Variants in CNTN5 observed in about 807,000 individuals in gnomAD.
CNTN5 encodes the protein contactin-5.
A neutral mutation model predicts 129.1 loss-of-function variants in CNTN5; 77 were observed. The observed-to-expected ratio is 0.60, with a 90% CI of 0.50 to 0.72. CNTN5 has a LOEUF of 0.72. Among genes scored for constraint, CNTN5 ranks in the 30% least tolerant of loss-of-function variants. CNTN5 has a pLI of 0.00. For missense variants in CNTN5, 1,478 were observed against 1,328.8 expected, an observed-to-expected ratio of 1.11 and a Z score of -1.75; for synonymous variants, 509 against 465.6, an observed-to-expected ratio of 1.09 and a Z score of -1.20.
intron 3 of CNTN5, among the ~76,000 whole-genome samples, chr11:99,709,812 C>T (rs1036523904): frequency 6.6e-6 from 1 of 151,592 alleles, no homozygotes; most frequent in Non-Finnish European, 1.5e-5. Context: ...TAATTCAAGC[C>T]ATTGAGGGTT....
chr11:100,195,323 A>G (rs1300246787), intron 15 of CNTN5, among the ~76,000 whole-genome samples: 2 of 151,984 alleles, frequency 1.3e-5, no homozygotes, highest in Non-Finnish European at 2.9e-5. Context: ...CAATACCAAT[A>G]TAAAAATGAA....
In CNTN5 at chr11:99,193,874, G is replaced by A. The variant is rs555456687; in HGVS notation, c.-209-131472G>A. Among the ~76,000 whole-genome samples the A allele has an allele frequency of 1.7e-4, 26 of 152,242 alleles. No homozygotes were observed. In the East Asian group the frequency reaches 4.8e-3, roughly 28 times the overall value. On this transcript the variant is annotated intron_variant, in intron 1 of 24. Coordinates refer to ENST00000524871, the MANE Select transcript of CNTN5 (RefSeq NM_014361.4). ...AATTTTTGTAATCAGACACCTTGAG[G>A]AAAAGTCAGAAGACACAAACAAAAG...
intron 1 of CNTN5, among the ~76,000 whole-genome samples, chr11:99,310,941 T>A (rs1020803339): frequency 2.0e-5 from 3 of 151,752 alleles, no homozygotes; most frequent in African/African-American, 7.2e-5. Context: ...ATTTATTATT[T>A]TTTTTTTTGA....
chr11:99,384,482 G>T (rs549926062), intron 2 of CNTN5, among the ~76,000 whole-genome samples: 1 of 152,132 alleles, frequency 6.6e-6, no homozygotes, highest in Non-Finnish European at 1.5e-5. Flanking sequence ...ACCCCCAACC[G>T]AGGGACTCAG....
At chr11:100,047,994 G>T (rs1591128648) in intron 9 of CNTN5, among the ~76,000 whole-genome samples, 2 of 152,248 alleles carry the variant, frequency 1.3e-5, no homozygotes, top group South Asian at 4.2e-4. Context: ...AGCCCAGCGT[G>T]GTGGCGGGCA....
At chr11:99,300,605 A>G (rs1194926524) in intron 1 of CNTN5, among the ~76,000 whole-genome samples, 1 of 152,034 alleles carries the variant, frequency 6.6e-6, no homozygotes, top group Non-Finnish European at 1.5e-5. Flanking sequence ...AAGACTATCG[A>G]TCAAAAATTT....
Position 99,079,032 on chromosome 11 carries a change from C to T in CNTN5, c.-210+57762C>T, listed in dbSNP as rs548197804. On this transcript the variant is annotated intron_variant, in intron 1 of 24. Coordinates refer to ENST00000524871, the MANE Select transcript of CNTN5 (RefSeq NM_014361.4). The stretch of plus-strand genomic sequence containing the variant: ...TCATGTGATTATTACACATTGTATG[C>T]CTGTATTAAAATATTGAATATACCC... Among the ~76,000 whole-genome samples, 55 of 152,134 alleles carry T rather than the reference C, an allele frequency of 3.6e-4. 1 individual carries two copies. In the South Asian group the frequency reaches 0.011, roughly 31 times the overall value.
intron 3 of CNTN5, among the ~76,000 whole-genome samples, chr11:99,680,209 A>G (rs186311328): frequency 6.6e-6 from 1 of 152,314 alleles, no homozygotes; most frequent in Non-Finnish European, 1.5e-5. Context: ...TGAAAAAACA[A>G]ATTTTCAATA....
intron 6 of CNTN5, among the ~76,000 whole-genome samples, chr11:99,872,012 A>G (rs952338505): frequency 3.3e-5 from 5 of 151,898 alleles, no homozygotes; most frequent in Admixed American, 6.6e-5. Context: ...AATAAATGGA[A>G]ACAATGGTTA....
At chr11:99,077,293 C>T (rs1334759504) in intron 1 of CNTN5, among the ~76,000 whole-genome samples, 2 of 148,804 alleles carry the variant, frequency 1.3e-5, no homozygotes, top group Admixed American at 1.3e-4. Context: ...AACAAAATTA[C>T]AAGCACAATG....
At chr11:99,804,955 A>T (rs1268427498) in intron 3 of CNTN5, among the ~76,000 whole-genome samples, 4 of 152,004 alleles carry the variant, frequency 2.6e-5, no homozygotes, top group Non-Finnish European at 5.9e-5. Flanking sequence ...TTAGAAAAAT[A>T]GCAAGTTCAA....
At chr11:100,129,790 T>C (rs968060953) in intron 13 of CNTN5, among the ~76,000 whole-genome samples, 2 of 152,080 alleles carry the variant, frequency 1.3e-5, no homozygotes, top group Non-Finnish European at 2.9e-5. Flanking sequence ...ATGTGAAAGC[T>C]ACAATTAGTA....
chr11:100,193,675 C>T lies in CNTN5; in HGVS notation c.1884+12C>T, dbSNP rs182577870. 1.6e-5 allele frequency: 26 copies of T among 1,602,004 alleles called. No individual in the cohort carries two copies. In the Admixed American group the frequency reaches 4.4e-4, roughly 27 times the overall value. On this transcript the variant is annotated intron_variant, in intron 15 of 24. Coordinates refer to ENST00000524871, the MANE Select transcript of CNTN5 (RefSeq NM_014361.4). ...AAAGCATCAGGGCCGTAAGTGAATA[C>T]ACTTTTATTCTTTTAGTAATGATAA... is the stretch of plus-strand genomic sequence containing the variant.
chr11:99,107,998 A>G (rs953721812), intron 1 of CNTN5, among the ~76,000 whole-genome samples: 1 of 151,172 alleles, frequency 6.6e-6, no homozygotes, highest in South Asian at 2.1e-4. Flanking sequence ...GAGAGGAAGG[A>G]ATGTGGTTAT....
chr11:99,725,746 T>A (rs1281143476), intron 3 of CNTN5, among the ~76,000 whole-genome samples: 2 of 152,164 alleles, frequency 1.3e-5, no homozygotes, highest in African/African-American at 4.8e-5. Context: ...TGTTGAACAT[T>A]TTCCTTTCAG....
At chr11:99,449,095 T>C (rs1388057787) in intron 2 of CNTN5, among the ~76,000 whole-genome samples, 2 of 152,170 alleles carry the variant, frequency 1.3e-5, no homozygotes, top group Non-Finnish European at 2.9e-5. Flanking sequence ...AAATGTTTTA[T>C]ATAACAATTC....
intron 3 of CNTN5, among the ~76,000 whole-genome samples, chr11:99,652,308 G>A (rs1952186585): frequency 1.3e-5 from 2 of 151,856 alleles, no homozygotes; most frequent in South Asian, 4.2e-4. Context: ...GTGCCAGCAG[G>A]GCAATCTATC....
intron 13 of CNTN5, among the ~76,000 whole-genome samples, chr11:100,096,133 T>TC (rs771748297): frequency 3.5e-4 from 53 of 152,104 alleles, no homozygotes; most frequent in African/African-American, 1.2e-3. Flanking sequence ...AAATTGAAAT[T>TC]CCTAGTAATT....
chr11:100,142,716 G>T (rs776081764), intron 13 of CNTN5, among the ~76,000 whole-genome samples: 5 of 151,926 alleles, frequency 3.3e-5, no homozygotes, highest in African/African-American at 7.3e-5. Flanking sequence ...GTGTTTCTTG[G>T]TTACCCTGAA....
Sources: gnomAD v4.1 joint callset for allele counts (sites outside exome capture counted in the v4.1 genomes callset) on GRCh38, gnomAD v4.1.1 for gene constraint, MANE v1.5 for transcripts, NCBI Gene and HGNC (gene_info 2026-07-23, HGNC 2026-07-21) for gene names.